ATP1B4: variants seen among roughly 807,000 people sequenced by gnomAD.
ATP1B4 encodes ATPase Na+/K+ transporting family member beta 4.
A neutral mutation model predicts 29.6 loss-of-function variants in ATP1B4; 32 were observed. The observed-to-expected ratio is 1.08, with a 90% CI of 0.82 to 1.45. The LOEUF is 1.45. Among genes scored for constraint, ATP1B4 ranks in the 40% most tolerant of loss-of-function variants. ATP1B4 has a pLI of 0.00. For missense variants in ATP1B4, 323 were observed against 276.2 expected (o/e 1.17, Z -1.20); for synonymous variants, 127 against 102.1 (o/e 1.24, Z -1.47).
At chrX:120,376,321 T>C (rs1036157113) in intron 5 of ATP1B4, 59 bp from the exon 6 acceptor site, 2 of 1,141,058 alleles carry the variant, frequency 1.8e-6, no homozygotes, top group Admixed American at 2.2e-5. Context: ...AAAGCCCAAT[T>C]TTTTACTGTC....
rs376908557 is a variant in ATP1B4, at chrX:120,375,480, G to A, written c.671G>A (p.Arg224His). Residue 224 changes from arginine to histidine, a missense_variant, in exon 5 of 8, where the codon CGC (arginine) becomes CAC (histidine). Arg to His is a conservative substitution (Grantham distance 29, BLOSUM62 0). Transcript: ENST00000218008. The stretch of plus-strand genomic sequence containing the variant: ...GACAAGAAGGCCTGCCAATTTAAGC[G>A]CTCCTTCCTAAAGAACTGCTCTGGT... ...DEDKKACQFK[R>H]SFLKNCSGLE... The A allele has an allele frequency of 1.2e-5, 14 of 1,208,718 alleles. No individual in the cohort carries two copies. The highest frequency in any genetic ancestry group is 5.3e-5 in the African/African-American group (3 of 56,896).
chrX:120,367,068 A>AT (rs2058289864), intron 2 of ATP1B4, among the ~76,000 whole-genome samples: 1 of 111,887 alleles, frequency 8.9e-6, no homozygotes, highest in African/African-American at 3.2e-5. Flanking sequence ...AAAGCACATG[A>AT]TTTTTTTAAG....
chrX:120,377,742 A>G (rs2058363421), intron 6 of ATP1B4, among the ~76,000 whole-genome samples: 1 of 112,012 alleles, frequency 8.9e-6, no homozygotes, highest in African/African-American at 3.2e-5. Flanking sequence ...AAATATATTA[A>G]GAATCTCTAT....
chrX:120,366,465 T>C, intron 1 of ATP1B4, 60 bp from the exon 2 acceptor site: 1 of 1,140,988 alleles, frequency 8.8e-7, no homozygotes, highest in South Asian at 2.1e-5. Flanking sequence ...TTTTGGCTGG[T>C]GGGATGCACC....
intron 2 of ATP1B4, among the ~76,000 whole-genome samples, chrX:120,367,739 C>T (rs973514012): frequency 4.5e-5 from 5 of 111,696 alleles, no homozygotes; most frequent in East Asian, 2.8e-4. Context: ...CTAAAGGCCC[C>T]GTTGGCTAAG....
In ATP1B4 at chrX:120,362,244, G is replaced by C. The variant is rs748040484; in HGVS notation, c.63+13G>C. ...TCGCTACAGACTCGTGAGTGCCAGA[G>C]AGCAGAATATTTTGCTGCCCCCTCC... On this transcript the variant is annotated intron_variant, in intron 1 of 7. Coordinates refer to ENST00000218008, the MANE Select transcript of ATP1B4 (RefSeq NM_001142447.3). 7.5e-6 allele frequency: 9 copies of C among 1,205,139 alleles called. No homozygotes were observed. The East Asian group carries it at 2.1e-4, about 28-fold the overall frequency.
chrX:120,372,329 T>G (rs2058317737), intron 4 of ATP1B4, among the ~76,000 whole-genome samples: 1 of 112,206 alleles, frequency 8.9e-6, no homozygotes, highest in Non-Finnish European at 1.9e-5. Context: ...GCGGCTACTA[T>G]TATAACAAGT....
At chrX:120,362,905 G>A (rs189000821) in intron 1 of ATP1B4, among the ~76,000 whole-genome samples, 1,769 of 112,059 alleles carry the variant, frequency 0.016, 42 homozygotes, top group African/African-American at 0.054. Context: ...CCAAACCCCC[G>A]ATCTGCCACT....
At position 120,379,688 on chromosome X, in the gene ATP1B4, C is replaced by T. The variant is rs547684469; in HGVS notation, c.*54C>T. 552 of 1,103,395 alleles carry T rather than the reference C, an allele frequency of 5.0e-4. No homozygotes were observed. The highest frequency in any genetic ancestry group is 3.0e-3 in the South Asian group (134 of 45,305). The allele number at this position is 1,103,395 out of a possible 1,213,427, so 90.9% of individuals were successfully genotyped here. On this transcript the variant is annotated 3_prime_UTR_variant, in exon 8 of 8. Transcript: ENST00000218008. ...CTGTTTCTGTTTTATCTCATGGTAT[C>T]TCTGGTAGCACCTGAATTCTTTTTC...
At chrX:120,363,214 A>G (rs893120352) in intron 1 of ATP1B4, among the ~76,000 whole-genome samples, 1 of 111,814 alleles carries the variant, frequency 8.9e-6, no homozygotes, top group African/African-American at 3.3e-5. Flanking sequence ...GACTGTCAAC[A>G]GCCCGCAGAA....
intron 1 of ATP1B4, among the ~76,000 whole-genome samples, chrX:120,363,982 G>A (rs931081683): frequency 2.7e-5 from 3 of 111,829 alleles, no homozygotes; most frequent in Non-Finnish European, 3.8e-5. Flanking sequence ...AAACAGAGGA[G>A]AGGAGAAAAG....
At position 120,370,727 on chromosome X, in the gene ATP1B4, T is replaced by A; in HGVS notation, c.341T>A (p.Leu114His). The A allele has an allele frequency of 2.5e-6, 3 of 1,211,435 alleles. No homozygotes were observed. The highest frequency in any genetic ancestry group is 3.4e-6 in the Non-Finnish European group (3 of 895,388). ...GATTGCTCTGCAGGCCTGATCTTAC[T>A]CATTTACTTCTTCTTCTATGCCTCC... ...RTGQSWSLIL[L>H]IYFFFYASLA... Residue 114 changes from leucine (L) to histidine (H), a missense_variant, in exon 3 of 8, where the codon CTC becomes CAC. Leu to His is a moderately conservative substitution (Grantham distance 99, BLOSUM62 -3). Coordinates refer to ENST00000218008, the MANE Select transcript of ATP1B4 (RefSeq NM_001142447.3).
At chrX:120,372,547 T>C (rs1011075782) in intron 4 of ATP1B4, among the ~76,000 whole-genome samples, 2 of 111,866 alleles carry the variant, frequency 1.8e-5, no homozygotes, top group Admixed American at 1.9e-4. Flanking sequence ...TTCTTGTTCT[T>C]TACACTCTCG....
chrX:120,367,855 C>T (rs939453093), intron 2 of ATP1B4, among the ~76,000 whole-genome samples: 2 of 111,433 alleles, frequency 1.8e-5, no homozygotes, highest in African/African-American at 6.5e-5. Context: ...CCCTTCACCC[C>T]TCCCCAATTC....
At chrX:120,373,595 T>C (rs917271899) in intron 4 of ATP1B4, among the ~76,000 whole-genome samples, 1 of 112,280 alleles carries the variant, frequency 8.9e-6, no homozygotes, top group Non-Finnish European at 1.9e-5. Context: ...TTGGAAATAA[T>C]GCAGTAATTT....
intron 6 of ATP1B4, among the ~76,000 whole-genome samples, 194 bp downstream of exon 6, chrX:120,376,630 AGTGTATGTGT>A (rs1234931165): frequency 1.8e-5 from 2 of 111,676 alleles, no homozygotes; most frequent in African/African-American, 3.3e-5. Context: ...TTGTGTGTAT[AGTGTATGTGT>A]GTGTATGTGT....
intron 4 of ATP1B4, among the ~76,000 whole-genome samples, chrX:120,373,270 A>G (rs917199557): frequency 2.7e-5 from 3 of 112,650 alleles, no homozygotes; most frequent in African/African-American, 9.7e-5. Context: ...TTAGAAAGTT[A>G]TTTGAGCATA....
At chrX:120,374,795 C>G (rs1289195946) in intron 4 of ATP1B4, among the ~76,000 whole-genome samples, 1 of 287 alleles carries the variant, frequency 3.5e-3, no homozygotes, top group African/African-American at 0.015. Flanking sequence ...ATTATATACC[C>G]TTATATATAT....
rs1179639155 is a variant in ATP1B4 at position 120,382,575 on chromosome X, GCT to G, written c.*2942_*2943del. On this transcript the variant is annotated 3_prime_UTR_variant, in exon 8 of 8. Coordinates refer to ENST00000218008, the MANE Select transcript of ATP1B4 (RefSeq NM_001142447.3). ...AGTGCTCTTTCTACTCTGAGCTGCTGCTTACCAGAAAGTACCATCTTCTTAAA... is the reference window on the plus strand; with the variant it reads ...AGTGCTCTTTCTACTCTGAGCTGCTGTACCAGAAAGTACCATCTTCTTAAA... The G allele has an allele frequency of 8.9e-6, 1 of 112,060 alleles. No individual in the cohort carries two copies. The highest frequency in any genetic ancestry group is 1.9e-5 in the Non-Finnish European group (1 of 53,175). The allele number at this position is 112,060 out of a possible 1,213,427, so 9.2% of individuals were successfully genotyped here.
Sources: allele counts gnomAD v4.1 joint callset (sites outside exome capture counted in the v4.1 genomes callset), GRCh38; gene constraint gnomAD v4.1.1; transcripts MANE v1.5; gene names NCBI Gene and HGNC (gene_info 2026-07-23, HGNC 2026-07-21).